DMRT2: variants seen among roughly 807,000 people sequenced by gnomAD.
DMRT2 encodes doublesex and mab-3 related transcription factor 2.
DMRT2 carries 33 observed loss-of-function variants against 43.5 expected under a neutral mutation model. The observed-to-expected ratio is 0.76, with a 90% confidence interval of 0.58 to 1.01. The LOEUF (loss-of-function observed/expected upper bound fraction) is 1.01, where lower values mean the gene tolerates loss of function less well. DMRT2 is among the 50% of genes least tolerant of loss of function. DMRT2 has a pLI of 0.00. For missense variants in DMRT2, 1,064 were observed against 748.0 expected (o/e 1.42, Z -4.93); for synonymous variants, 395 against 309.2 (o/e 1.28, Z -2.91).
chr9:1,053,839 T>G lies in DMRT2; in HGVS notation c.628+15T>G. On this transcript the variant is annotated intron_variant, in intron 3 of 3. Coordinates refer to ENST00000358146, the MANE Select transcript of DMRT2 (RefSeq NM_181872.6). ...CATTTTAGAAGGTAAAGCAACAAAA[T>G]TATCCTTCAGCCTTTTAAACAGAGT... is the stretch of plus-strand genomic sequence containing the variant. 6.2e-7 allele frequency: 1 copy of G among 1,607,552 alleles called. No individual in the cohort carries two copies. The highest frequency in any genetic ancestry group is 8.5e-7 in the Non-Finnish European group (1 of 1,174,382).
rs1822014466 is a variant in DMRT2 at position 1,056,686 on chromosome 9, G to T, written c.1099G>T (p.Val367Phe). 3 of 1,614,044 alleles carry T rather than the reference G, an allele frequency of 1.9e-6. No homozygotes were observed. The highest frequency in any genetic ancestry group is 2.5e-6 in the Non-Finnish European group (3 of 1,180,042). The change falls in exon 4 of 4, where the codon GTT becomes TTT. Residue 367 changes from valine to phenylalanine, a missense_variant. By Grantham distance (50) the Val-to-Phe change is conservative. Coordinates refer to ENST00000358146, the MANE Select transcript of DMRT2 (RefSeq NM_181872.6). Reference protein sequence around the residue: ...QQCLLNATTSVQALKPGASWD... With the variant: ...QQCLLNATTSFQALKPGASWD... ...ATGCCTGCTAAATGCCACCACCTCA[G>T]TTCAAGCCCTGAAGCCTGGGGCCAG...
chr9:1,055,575 G>A (rs1176730822), intron 3 of DMRT2: 5 of 651,324 alleles, frequency 7.7e-6, no homozygotes, highest in Non-Finnish European at 1.1e-5. Context: ...CAGGGGAAGG[G>A]GCCTGGTTAA....
At position 1,051,964 on chromosome 9, in the gene DMRT2, G is replaced by T; in HGVS notation, c.351G>T (p.Leu117=). The change falls in exon 2 of 4, where the codon CTG becomes CTT. Residue 117 remains leucine (L), a synonymous_variant. Coordinates refer to ENST00000358146, the MANE Select transcript of DMRT2 (RefSeq NM_181872.6). The surrounding 1 kb of genome is among the most constrained non-coding windows in gnomAD (Gnocchi z 5.9). ...PAGGGAEPRK[L]SRTPKCARCR... is the part of the protein sequence containing the mutation. ...GCGGCGGCGCGGAGCCGCGCAAGCT[G>T]AGCCGCACGCCCAAGTGCGCGCGCT... The T allele has an allele frequency of 2.8e-6, 4 of 1,417,688 alleles. No individual in the cohort carries two copies. The highest frequency in any genetic ancestry group is 3.7e-6 in the Non-Finnish European group (4 of 1,092,140). 87.8% of individuals were successfully genotyped at this position (1,417,688 alleles called of 1,614,324 possible).
Position 1,056,664 on chromosome 9 carries a change from C to G in DMRT2, c.1077C>G (p.Cys359Trp). ...GCGACACCCTCCTCTACCAGCAATG[C>G]CTGCTAAATGCCACCACCTCAGTTC... Reference protein sequence around the residue: ...PISDTLLYQQCLLNATTSVQA... With the variant: ...PISDTLLYQQWLLNATTSVQA... The change falls in exon 4 of 4, where the codon TGC becomes TGG. Residue 359 changes from cysteine to tryptophan, a missense_variant. Transcript: ENST00000358146. The G allele has an allele frequency of 6.2e-7, 1 of 1,614,206 alleles. No individual in the cohort carries two copies. Among genetic ancestry groups the G allele is most frequent in the South Asian group, 1.1e-5 (1 of 91,086 alleles).
chr9:1,057,327 A>G lies in DMRT2; in HGVS notation c.*54A>G, dbSNP rs41265270. 1,702 of 1,496,716 alleles carry G rather than the reference A, an allele frequency of 1.1e-3. 5 individuals carry two copies. The highest frequency in any genetic ancestry group is 9.3e-3 in the Middle Eastern group (52 of 5,572). The allele number at this position is 1,496,716 out of a possible 1,614,324, so 92.7% of individuals were successfully genotyped here. On this transcript the variant is annotated 3_prime_UTR_variant, in exon 4 of 4. Coordinates refer to ENST00000358146, the MANE Select transcript of DMRT2 (RefSeq NM_181872.6). Reference sequence around the variant, plus strand: ...TCTGCAGTCTTAGAGCATTATAGCCATTTGCTACTTTTTTTAAAAGTTAAG... The same window carrying G: ...TCTGCAGTCTTAGAGCATTATAGCCGTTTGCTACTTTTTTTAAAAGTTAAG...
In DMRT2 at chr9:1,057,486, T is replaced by G. The variant is rs74491476; in HGVS notation, c.*213T>G. ...GGAAATTGCCCAATGTGCAAATTGT[T>G]AAGTACCACACTTTACACAGCATTT... On this transcript the variant is annotated 3_prime_UTR_variant, in exon 4 of 4. Transcript: ENST00000358146. 6.5e-4 allele frequency: 364 copies of G among 557,858 alleles called. 1 individual carries two copies. Among genetic ancestry groups the G allele is most frequent in the African/African-American group, 6.3e-3 (335 of 53,478 alleles). 34.6% of individuals were successfully genotyped at this position (557,858 alleles called of 1,614,324 possible). A position where few individuals can be genotyped will look rare whatever the true frequency, so the allele number is the denominator to read the frequency against.
chr9:1,055,495 A>G (rs1821912532), intron 3 of DMRT2, among the ~76,000 whole-genome samples: 1 of 152,166 alleles, frequency 6.6e-6, no homozygotes, highest in African/African-American at 2.4e-5. Flanking sequence ...TATTTTCGAT[A>G]GAGCAGGGAA....
At chr9:1,055,923 A>T in intron 3 of DMRT2, 1 of 1,412,406 alleles carries the variant, frequency 7.1e-7, no homozygotes, top group Non-Finnish European at 9.2e-7. Context: ...TTAAAATTTT[A>T]ATCAATAAAG....
At chr9:1,055,931 A>G in intron 3 of DMRT2, 1 of 1,410,676 alleles carries the variant, frequency 7.1e-7, no homozygotes. Flanking sequence ...TTAATCAATA[A>G]AGTATGTCTG....
Position 1,052,030 on chromosome 9 carries a change from G to T in DMRT2, c.417G>T (p.Lys139Asn). 6.8e-7 allele frequency: 1 copy of T among 1,476,232 alleles called. No homozygotes were observed. The highest frequency in any genetic ancestry group is 8.9e-7 in the Non-Finnish European group (1 of 1,120,280). 91.4% of individuals were successfully genotyped at this position (1,476,232 alleles called of 1,614,324 possible). The change falls in exon 2 of 4, where the codon AAG (lysine) becomes AAT (asparagine). Residue 139 changes from lysine (K) to asparagine (N), a missense_variant. Coordinates refer to ENST00000358146, the MANE Select transcript of DMRT2 (RefSeq NM_181872.6). ...HGVVSCLKGH[K>N]RFCRWRDCQC... is the part of the protein sequence containing the mutation. Reference sequence around the variant, plus strand: ...TGGTGTCCTGCCTGAAGGGCCACAAGCGCTTCTGTCGCTGGCGCGACTGCC... The same window carrying T: ...TGGTGTCCTGCCTGAAGGGCCACAATCGCTTCTGTCGCTGGCGCGACTGCC...
rs761412181 is a variant in DMRT2 at position 1,056,561 on chromosome 9, A to G, written c.974A>G (p.Asn325Ser). The G allele has an allele frequency of 6.2e-7, 1 of 1,614,132 alleles. No individual in the cohort carries two copies. The highest frequency in any genetic ancestry group is 8.5e-7 in the Non-Finnish European group (1 of 1,180,030). ...GSGNMELISSNVSVATTYRQY... is the reference protein window; with the variant it reads ...GSGNMELISSSVSVATTYRQY... ...GGGAATATGGAACTAATTTCTTCTA[A>G]TGTCAGCGTGGCCACAACTTATAGA... Residue 325 changes from asparagine to serine, a missense_variant, in exon 4 of 4, where the codon AAT (asparagine) becomes AGT (serine). Physicochemically the swap from Asn to Ser is conservative, Grantham distance 46. Transcript: ENST00000358146.
chr9:1,055,724 C>T lies in DMRT2; in HGVS notation c.629-492C>T, dbSNP rs562571430. The T allele has an allele frequency of 6.8e-6, 10 of 1,467,498 alleles. No individual in the cohort carries two copies. The African/African-American group carries it at 7.4e-5, about 11-fold the overall frequency. The allele number at this position is 1,467,498 out of a possible 1,614,324, so 90.9% of individuals were successfully genotyped here. On this transcript the variant is annotated intron_variant, in intron 3 of 3. Coordinates refer to ENST00000358146, the MANE Select transcript of DMRT2 (RefSeq NM_181872.6). ...TCTTTCTTTCTCTTTTTTCCTAGTT[C>T]TCCTTGGATTATTCTACAGCTATTA...
intron 3 of DMRT2, among the ~76,000 whole-genome samples, chr9:1,055,345 A>G (rs898701507): frequency 6.6e-6 from 1 of 152,160 alleles, no homozygotes; most frequent in African/African-American, 2.4e-5. Context: ...CAGGAATTCT[A>G]TTTATGTTAC....
rs575272694 is a variant in DMRT2 at position 1,050,374 on chromosome 9, T to G, written c.-446T>G. The G allele has an allele frequency of 1.3e-5, 2 of 152,194 alleles. No individual in the cohort carries two copies. Among genetic ancestry groups the G allele is most frequent in the Admixed American group, 1.3e-4 (2 of 15,284 alleles). The allele number at this position is 152,194 out of a possible 1,614,324, so 9.4% of individuals were successfully genotyped here. A position where few individuals can be genotyped will look rare whatever the true frequency, so the allele number is the denominator to read the frequency against. On this transcript the variant is annotated 5_prime_UTR_variant, in exon 1 of 4. An upstream start codon of the reference 5' UTR is lost. Coordinates refer to ENST00000358146, the MANE Select transcript of DMRT2 (RefSeq NM_181872.6). ...CTGAAGCCAGTGGCGCTGCGCTGAATGCAACTGCGCGCGCCCGCCGGGTGA... is the reference window on the plus strand; with the variant it reads ...CTGAAGCCAGTGGCGCTGCGCTGAAGGCAACTGCGCGCGCCCGCCGGGTGA...
chr9:1,057,540 C>A lies in DMRT2; in HGVS notation c.*267C>A. 2.7e-6 allele frequency: 1 copy of A among 373,732 alleles called. No homozygotes were observed. The highest frequency in any genetic ancestry group is 4.8e-6 in the Non-Finnish European group (1 of 209,030). The allele number at this position is 373,732 out of a possible 1,614,324, so 23.2% of individuals were successfully genotyped here. ...AAAGCAATAAAATTGACACTGTCTT[C>A]TCAAAGACCCAATATTTGCCGAAGC... On this transcript the variant is annotated 3_prime_UTR_variant, in exon 4 of 4. Transcript: ENST00000358146.
At position 1,056,626 on chromosome 9, in the gene DMRT2, T is replaced by C. The variant is rs748613087; in HGVS notation, c.1039T>C (p.Cys347Arg). The C allele has an allele frequency of 1.2e-6, 2 of 1,614,210 alleles. No homozygotes were observed. Among genetic ancestry groups the C allele is most frequent in the South Asian group, 1.1e-5 (1 of 91,080 alleles). Residue 347 changes from cysteine (C) to arginine (R), a missense_variant, in exon 4 of 4, where the codon TGT becomes CGT. Cys to Arg is a radical substitution (Grantham distance 180). Coordinates refer to ENST00000358146, the MANE Select transcript of DMRT2 (RefSeq NM_181872.6). ...LSSRFLVWPK[C>R]GPISDTLLYQ... ...CTCAAGATTTTTAGTTTGGCCCAAG[T>C]GTGGCCCCATTAGCGACACCCTCCT...
At position 1,057,005 on chromosome 9, in the gene DMRT2, CATT is replaced by C. The variant is rs1320190098; in HGVS notation, c.1422_1424del (p.Leu474del). ...CCACTTAGACATAATCCATTCCACTCATTATTCCAGCAAACACTTACTGACAAA... is the reference window on the plus strand; with the variant it reads ...CCACTTAGACATAATCCATTCCACTCATTCCAGCAAACACTTACTGACAAA... On this transcript the variant is annotated inframe_deletion, in exon 4 of 4. Coordinates refer to ENST00000358146, the MANE Select transcript of DMRT2 (RefSeq NM_181872.6). 2 of 1,614,060 alleles carry C rather than the reference CATT, an allele frequency of 1.2e-6. No homozygotes were observed. Among genetic ancestry groups the C allele is most frequent in the Non-Finnish European group, 1.7e-6 (2 of 1,180,046 alleles).
chr9:1,056,403 C>G lies in DMRT2; in HGVS notation c.816C>G (p.Asn272Lys). 6.2e-7 allele frequency: 1 copy of G among 1,614,182 alleles called. No homozygotes were observed. ...TSQAAALFLPNRMVPGPDYNS... is the reference protein window; with the variant it reads ...TSQAAALFLPKRMVPGPDYNS... ...AAGCTGCTGCTCTGTTTCTGCCCAACCGCATGGTGCCTGGACCTGACTACA... is the reference window on the plus strand; with the variant it reads ...AAGCTGCTGCTCTGTTTCTGCCCAAGCGCATGGTGCCTGGACCTGACTACA... The change falls in exon 4 of 4, where the codon AAC (asparagine) becomes AAG (lysine). Residue 272 changes from asparagine to lysine, a missense_variant. Transcript: ENST00000358146.
At chr9:1,053,635 TAGA>T in intron 2 of DMRT2, 84 bp from the exon 3 acceptor site, 1 of 1,145,838 alleles carries the variant, frequency 8.7e-7, no homozygotes, top group Non-Finnish European at 1.3e-6. Flanking sequence ...GGAGAGTTTC[TAGA>T]AGATTTACGG....
Sources: gnomAD v4.1 joint callset for allele counts (sites outside exome capture counted in the v4.1 genomes callset) on GRCh38, gnomAD v4.1.1 for gene constraint, Gnocchi (gnomAD v3.1) non-coding constraint, MANE v1.5 for transcripts, NCBI Gene and HGNC (gene_info 2026-07-23, HGNC 2026-07-21) for gene names.